AFF3: variants seen among roughly 807,000 people sequenced by gnomAD.
The protein encoded by AFF3 is ALF transcription elongation factor 3, also known as AF4/FMR2 family member 3.
In AFF3, 32 loss-of-function variants were observed where a neutral mutation model predicts 129.7. That is an observed-to-expected ratio of 0.25 (90% CI 0.19 to 0.33). The LOEUF is 0.33. AFF3 is among the 10% of genes least tolerant of loss of function. The pLI is 1.00. For missense variants in AFF3, 1,373 were observed against 1,592.0 expected, an observed-to-expected ratio of 0.86 and a Z score of 2.34; for synonymous variants, 644 against 635.4, an observed-to-expected ratio of 1.01 and a Z score of -0.20.
At chr2:100,077,568 G>A (rs1314687046) in intron 4 of AFF3, among the ~76,000 whole-genome samples, 2 of 152,182 alleles carry the variant, frequency 1.3e-5, no homozygotes, top group Non-Finnish European at 2.9e-5. Context: ...AATGTGTGCT[G>A]TTTTAAGCTG....
chr2:100,022,900 G>A (rs1324709166), intron 4 of AFF3, among the ~76,000 whole-genome samples: 1 of 152,174 alleles, frequency 6.6e-6, no homozygotes, highest in East Asian at 1.9e-4. Context: ...GTGGGGTTGG[G>A]CATTTAGTTG....
At chr2:99,562,405 A>G (rs1158879094) in intron 20 of AFF3, among the ~76,000 whole-genome samples, 1 of 152,100 alleles carries the variant, frequency 6.6e-6, no homozygotes, top group Non-Finnish European at 1.5e-5. Context: ...CCTCAAGTTC[A>G]TTGACTCTCT....
intron 19 of AFF3, among the ~76,000 whole-genome samples, chr2:99,568,192 A>T (rs149162118): frequency 6.6e-6 from 1 of 152,240 alleles, no homozygotes; most frequent in Non-Finnish European, 1.5e-5. Flanking sequence ...GGAGGAGACT[A>T]AAACTGGAAT....
chr2:99,998,146 G>A (rs1681028119), intron 7 of AFF3, among the ~76,000 whole-genome samples: 1 of 152,230 alleles, frequency 6.6e-6, no homozygotes, highest in Non-Finnish European at 1.5e-5. Context: ...GTACTGTCCT[G>A]AGGGACACAG....
chr2:99,967,990 C>A (rs1677958646), intron 7 of AFF3, among the ~76,000 whole-genome samples: 1 of 152,226 alleles, frequency 6.6e-6, no homozygotes, highest in South Asian at 2.1e-4. Context: ...TAATGTCTCA[C>A]CATGTTCTAA....
chr2:99,602,559 T>C (rs1157672563), intron 13 of AFF3, among the ~76,000 whole-genome samples: 2 of 152,226 alleles, frequency 1.3e-5, no homozygotes, highest in Admixed American at 1.3e-4. Context: ...ATATTCAACA[T>C]CTTCAAAGTC....
At chr2:99,854,357 T>C (rs1690370544) in intron 7 of AFF3, among the ~76,000 whole-genome samples, 1 of 152,196 alleles carries the variant, frequency 6.6e-6, no homozygotes, top group South Asian at 2.1e-4. Context: ...ACCAAAACTT[T>C]CACTTGGCAT....
intron 7 of AFF3, among the ~76,000 whole-genome samples, chr2:100,005,728 T>C (rs1413648811): frequency 6.6e-6 from 1 of 152,192 alleles, no homozygotes; most frequent in African/African-American, 2.4e-5. Context: ...TATGTTGATA[T>C]CCCTATCAGT....
In AFF3 at chr2:99,593,846, G is replaced by C. The variant is rs1471149559; in HGVS notation, c.1815C>G (p.Pro605=). The C allele has an allele frequency of 4.4e-6, 7 of 1,595,268 alleles. No homozygotes were observed. In the East Asian group the frequency reaches 9.0e-5, roughly 21 times the overall value. The change falls in exon 15 of 25, where the codon CCC becomes CCG. Residue 605 remains proline, a synonymous_variant. Transcript: ENST00000672756. ...SAGDGANCHR[P]EEPAAADALG... is the part of the protein sequence containing the mutation. ...GCGCGTCCGCGGCCGCGGGCTCCTC[G>C]GGCCGGTGGCAGTTGGCGCCGTCCC...
At chr2:99,751,638 C>A (rs558058993) in intron 9 of AFF3, among the ~76,000 whole-genome samples, 1 of 152,088 alleles carries the variant, frequency 6.6e-6, no homozygotes, top group Non-Finnish European at 1.5e-5. Flanking sequence ...ATAATTTGAT[C>A]CTTCATAATG....
At position 99,762,421 on chromosome 2, in the gene AFF3, G is replaced by A. The variant is rs550602649; in HGVS notation, c.922-10120C>T. On this transcript the variant is annotated intron_variant, in intron 8 of 24. Transcript: ENST00000672756. ...ATTACAGGTATCAGCCACCGTGCCC[G>A]GCCAATGCCACTTATTTAGCAACTA... Among the ~76,000 whole-genome samples the A allele has an allele frequency of 1.5e-4, 23 of 152,132 alleles. No homozygotes were observed. The South Asian group carries it at 1.9e-3, about 12-fold the overall frequency.
intron 19 of AFF3, among the ~76,000 whole-genome samples, chr2:99,568,386 A>G (rs930895150): frequency 1.3e-5 from 2 of 152,240 alleles, no homozygotes; most frequent in African/African-American, 4.8e-5. Context: ...GTGACTTTAG[A>G]GTCTTACGTG....
intron 1 of AFF3, among the ~76,000 whole-genome samples, chr2:100,139,298 C>T (rs763202796): frequency 6.6e-6 from 1 of 152,210 alleles, no homozygotes; most frequent in Non-Finnish European, 1.5e-5. Flanking sequence ...ATCTGATTGT[C>T]ATTCCATTTA....
chr2:99,593,301 C>T lies in AFF3; in HGVS notation c.2360G>A (p.Gly787Glu), dbSNP rs1200280165. ...CTTGGTGGCAGGGGCGCTCAATACC[C>T]CTGGCTCCTGGGGCAGGTGTTCTGG... ...RIPEHLPQEPGVLSAPATKDS... is the reference protein window; with the variant it reads ...RIPEHLPQEPEVLSAPATKDS... Residue 787 changes from glycine to glutamate, a missense_variant, in exon 15 of 25, where the codon GGG becomes GAG. Physicochemically the swap from Gly to Glu is moderately conservative, Grantham distance 98. Around this residue, in one of 9 missense-constraint regions of AFF3, gnomAD observed 466 missense variants for 505.0 expected, o/e 0.92. Transcript: ENST00000672756. 1 of 1,614,062 alleles carries T rather than the reference C, an allele frequency of 6.2e-7. No individual in the cohort carries two copies. The highest frequency in any genetic ancestry group is 8.5e-7 in the Non-Finnish European group (1 of 1,179,992).
At chr2:99,840,822 G>A (rs939182955) in intron 7 of AFF3, among the ~76,000 whole-genome samples, 1 of 152,192 alleles carries the variant, frequency 6.6e-6, no homozygotes, top group African/African-American at 2.4e-5. Context: ...GGGCCGGGGG[G>A]CTTGATGGTC....
In AFF3 at chr2:100,007,138, C is replaced by G. The variant is rs146293844; in HGVS notation, c.487+10G>C. On this transcript the variant is annotated intron_variant, in intron 6 of 24. Coordinates refer to ENST00000672756, the MANE Select transcript of AFF3 (RefSeq NM_001386135.1). The stretch of plus-strand genomic sequence containing the variant: ...TTTGTGCAAATCAAGCAACCTGTGC[C>G]TGTGCTTACTTGCTCTCTGTTGGCC... 22 of 1,613,380 alleles carry G rather than the reference C, an allele frequency of 1.4e-5. No homozygotes were observed. The East Asian group carries it at 4.9e-4, about 36-fold the overall frequency.
intron 2 of AFF3, chr2:100,110,157 T>C (rs1210476178): frequency 6.6e-6 from 1 of 152,240 alleles, no homozygotes; most frequent in Non-Finnish European, 1.5e-5. Flanking sequence ...TCTCTGACAG[T>C]TCTGAAATGT....
chr2:100,059,525 GAT>G (rs1300315147), intron 4 of AFF3, among the ~76,000 whole-genome samples: 1 of 152,138 alleles, frequency 6.6e-6, no homozygotes, highest in Non-Finnish European at 1.5e-5. Context: ...GGGTCGTAAA[GAT>G]ATTCTAAAAT....
chr2:99,621,171 A>C (rs1324557887), intron 13 of AFF3, among the ~76,000 whole-genome samples: 3 of 152,214 alleles, frequency 2.0e-5, no homozygotes, highest in African/African-American at 7.2e-5. Flanking sequence ...TAGGCTGATG[A>C]GCAATGGCGA....
Sources: allele counts gnomAD v4.1 joint callset (sites outside exome capture counted in the v4.1 genomes callset), GRCh38; gene constraint gnomAD v4.1.1; regional missense constraint gnomAD v4.1.1; transcripts MANE v1.5; gene names NCBI Gene and HGNC (gene_info 2026-07-23, HGNC 2026-07-21).